The following VAMP7 variants were observed in gnomAD, a reference collection of about 807,000 sequenced individuals.
VAMP7 encodes the protein vesicle associated membrane protein 7.
In VAMP7, 14 loss-of-function variants were observed where a neutral mutation model predicts 29.6. The observed-to-expected ratio is 0.47, with a 90% CI of 0.31 to 0.74. The LOEUF (loss-of-function observed/expected upper bound fraction) is 0.74. Ranked by LOEUF, VAMP7 falls within the 30% of genes least tolerant of loss-of-function variation. VAMP7 has a pLI of 0.05. For missense variants in VAMP7, 223 were observed against 262.4 expected (o/e 0.85, Z 1.04); for synonymous variants, 95 against 88.1 (o/e 1.08, Z -0.44).
chrX:155,883,394 T>C (rs2065827320), intron 1 of VAMP7, among the ~76,000 whole-genome samples: 1 of 152,162 alleles, frequency 6.6e-6, no homozygotes, highest in Non-Finnish European at 1.5e-5. Context: ...CCCAAGCACC[T>C]TGTGTACCTC....
intron 5 of VAMP7, among the ~76,000 whole-genome samples, chrX:155,907,434 T>C (rs867602185): frequency 1.3e-5 from 2 of 151,960 alleles, no homozygotes; most frequent in South Asian, 4.2e-4. Context: ...TCCACAGTGT[T>C]TGTGTCCCTG....
intron 1 of VAMP7, among the ~76,000 whole-genome samples, chrX:155,886,931 A>G (rs1453836796): frequency 6.7e-6 from 1 of 149,730 alleles, no homozygotes; most frequent in African/African-American, 2.5e-5. Context: ...CTGCACAGGG[A>G]CTGAGGCTGC....
chrX:155,915,686 C>G (rs918360128), intron 5 of VAMP7, among the ~76,000 whole-genome samples: 3 of 152,152 alleles, frequency 2.0e-5, no homozygotes, highest in African/African-American at 4.8e-5. Flanking sequence ...GAGTGAGTTT[C>G]TTAATCCTGA....
intron 5 of VAMP7, among the ~76,000 whole-genome samples, chrX:155,904,376 A>AAACC (rs61095155): frequency 2.7e-4 from 41 of 151,386 alleles, no homozygotes; most frequent in East Asian, 1.4e-3. Context: ...AAAATAAAAA[A>AAACC]AGCAAATTTA....
At chrX:155,909,485 C>A (rs1006495321) in intron 5 of VAMP7, among the ~76,000 whole-genome samples, 1 of 151,906 alleles carries the variant, frequency 6.6e-6, no homozygotes, top group African/African-American at 2.4e-5. Flanking sequence ...AATTTGTTCA[C>A]CCTAATATTT....
At chrX:155,898,019 G>C in intron 3 of VAMP7, 93 bp from the exon 4 acceptor site, 2 of 1,481,502 alleles carry the variant, frequency 1.3e-6, no homozygotes, top group South Asian at 1.3e-5. Context: ...TCATTGCTCA[G>C]TAAATGTTAG....
chrX:155,909,887 G>A (rs752150713), intron 5 of VAMP7, among the ~76,000 whole-genome samples: 15 of 152,192 alleles, frequency 9.9e-5, no homozygotes, highest in African/African-American at 1.4e-4. Flanking sequence ...ACTGTGTAAT[G>A]ATCAAGTCAG....
chrX:155,899,600 T>C (rs2066033895), intron 4 of VAMP7, among the ~76,000 whole-genome samples: 1 of 151,900 alleles, frequency 6.6e-6, no homozygotes, highest in Non-Finnish European at 1.5e-5. Context: ...TTTAAATTGG[T>C]TACTTATAAA....
intron 5 of VAMP7, among the ~76,000 whole-genome samples, chrX:155,916,466 T>C (rs1172061961): frequency 1.3e-5 from 2 of 152,196 alleles, no homozygotes; most frequent in Non-Finnish European, 2.9e-5. Context: ...GTCTTTACAG[T>C]TTGATATGTT....
chrX:155,937,890 A>G (rs186532067), intron 6 of VAMP7, among the ~76,000 whole-genome samples: 1 of 152,302 alleles, frequency 6.6e-6, no homozygotes, highest in Non-Finnish European at 1.5e-5. Context: ...TGTATCTTAC[A>G]TCTTCTTTCA....
At chrX:155,940,569 T>C (rs1199531170) in intron 7 of VAMP7, among the ~76,000 whole-genome samples, 1 of 152,188 alleles carries the variant, frequency 6.6e-6, no homozygotes, top group African/African-American at 2.4e-5. Flanking sequence ...TCTGGGAGTT[T>C]AGGTTGATTT....
chrX:155,900,420 T>C (rs1011607773), intron 4 of VAMP7, 77 bp from the exon 5 acceptor site: 12 of 1,129,194 alleles, frequency 1.1e-5, no homozygotes, highest in Admixed American at 2.3e-5. Context: ...TCAGTGTAAA[T>C]TGTCATTCCC....
At chrX:155,906,501 C>G (rs1223735627) in intron 5 of VAMP7, among the ~76,000 whole-genome samples, 1 of 152,124 alleles carries the variant, frequency 6.6e-6, no homozygotes, top group Non-Finnish European at 1.5e-5. Flanking sequence ...ATTTTTTAAC[C>G]AGTGTCAGAA....
At chrX:155,934,292 C>T in intron 6 of VAMP7, among the ~76,000 whole-genome samples, 1 of 152,120 alleles carries the variant, frequency 6.6e-6, no homozygotes, top group East Asian at 1.9e-4. Context: ...CTAATGTTGA[C>T]AGTGGGGTGT....
intron 7 of VAMP7, among the ~76,000 whole-genome samples, chrX:155,940,251 T>C (rs1461439246): frequency 6.6e-6 from 1 of 152,156 alleles, no homozygotes; most frequent in Non-Finnish European, 1.5e-5. Flanking sequence ...AAACTATTGC[T>C]AACAGGTGGG....
chrX:155,924,821 A>G (rs2066445871), intron 6 of VAMP7, among the ~76,000 whole-genome samples: 1 of 152,210 alleles, frequency 6.6e-6, no homozygotes, highest in Admixed American at 6.5e-5. Context: ...TTGCTATTTG[A>G]TAGCAATTTA....
intron 6 of VAMP7, among the ~76,000 whole-genome samples, chrX:155,936,505 G>A (rs1381761552): frequency 9.2e-5 from 14 of 152,194 alleles, no homozygotes; most frequent in Non-Finnish European, 1.5e-4. Context: ...AGCCAGGCGC[G>A]GGATATAATC....
intron 1 of VAMP7, among the ~76,000 whole-genome samples, chrX:155,884,772 T>A (rs1330855566): frequency 3.3e-5 from 5 of 152,204 alleles, no homozygotes; most frequent in Admixed American, 3.3e-4. Context: ...AATGCAGAAT[T>A]AAAAGATTTC....
At chrX:155,911,726 A>G (rs2066240375) in intron 5 of VAMP7, among the ~76,000 whole-genome samples, 1 of 152,220 alleles carries the variant, frequency 6.6e-6, no homozygotes, top group East Asian at 1.9e-4. Context: ...AAATGGGATT[A>G]CCTTCTTGAT....
Sources: allele counts gnomAD v4.1 joint callset (sites outside exome capture counted in the v4.1 genomes callset), GRCh38; gene constraint gnomAD v4.1.1; transcripts MANE v1.5; gene names NCBI Gene and HGNC (gene_info 2026-07-23, HGNC 2026-07-21).